ZBTB21: variants seen among roughly 807,000 people sequenced by gnomAD.
ZBTB21 encodes zinc finger and BTB domain containing 21.
Under a neutral mutation model 39.8 loss-of-function variants are expected in ZBTB21, and 10 were observed. The ratio of observed to expected loss-of-function variants is 0.25; its 90% CI spans 0.16 to 0.43. The LOEUF is 0.43. ZBTB21 is among the 20% of genes least tolerant of loss of function. ZBTB21 has a pLI of 1.00. For synonymous variants in ZBTB21, 551 were observed against 498.8 expected, an observed-to-expected ratio of 1.10 and a Z score of -1.40; for missense variants, 1,221 against 1,296.3, an observed-to-expected ratio of 0.94 and a Z score of 0.89.
rs1201087338 is a variant in ZBTB21, at chr21:41,989,516, C to A, written c.*1379G>T. 6.6e-6 allele frequency: 1 copy of A among 151,974 alleles called. No individual in the cohort carries two copies. The highest frequency in any genetic ancestry group is 1.5e-5 in the Non-Finnish European group (1 of 67,956). 9.4% of individuals were successfully genotyped at this position (151,974 alleles called of 1,614,324 possible). A position where few individuals can be genotyped will look rare whatever the true frequency, so the allele number is the denominator to read the frequency against. On this transcript the variant is annotated 3_prime_UTR_variant, in exon 3 of 3. Transcript: ENST00000310826. ...TTTTTTTAATACATCTAACTCCCACCCCCACAAGTAAAAGTTTTCCCTTTT... is the reference window on the plus strand; with the variant it reads ...TTTTTTTAATACATCTAACTCCCACACCCACAAGTAAAAGTTTTCCCTTTT...
chr21:41,991,981 T>C lies in ZBTB21; in HGVS notation c.2115A>G (p.Lys705=). ...TTGCAAGAGGAGCATGCTCTTTTGG[T>C]TTAGCAACTTTATTTACTCCAAGGG... ...EKPLGVNKVA[K]PKEHAPLASP... The change falls in exon 3 of 3, where the codon AAA becomes AAG. Residue 705 remains lysine (K), a synonymous_variant. Coordinates refer to ENST00000310826, the MANE Select transcript of ZBTB21 (RefSeq NM_001098402.2). The surrounding 1 kb of genome is among the most constrained non-coding windows in gnomAD (Gnocchi z 4.9). 1 of 1,614,194 alleles carries C rather than the reference T, an allele frequency of 6.2e-7. No homozygotes were observed. The highest frequency in any genetic ancestry group is 8.5e-7 in the Non-Finnish European group (1 of 1,180,044).
intron 1 of ZBTB21, among the ~76,000 whole-genome samples, chr21:42,008,467 G>A (rs746593371): frequency 2.0e-5 from 3 of 149,688 alleles, no homozygotes; most frequent in Non-Finnish European, 4.4e-5. Flanking sequence ...GCAAAACCAG[G>A]GAGGCGGAGG....
rs1374931703 is a variant in ZBTB21, at chr21:41,990,067, T to A, written c.*828A>T. On this transcript the variant is annotated 3_prime_UTR_variant, in exon 3 of 3. Coordinates refer to ENST00000310826, the MANE Select transcript of ZBTB21 (RefSeq NM_001098402.2). ...CATAAATCAGAGGAAATGAAATATG[T>A]GCAGTCCTTCAAATGCTGGTCTGAA... The A allele has an allele frequency of 6.6e-6, 1 of 152,238 alleles. No homozygotes were observed. Among genetic ancestry groups the A allele is most frequent in the Non-Finnish European group, 1.5e-5 (1 of 68,036 alleles). 9.4% of individuals were successfully genotyped at this position (152,238 alleles called of 1,614,324 possible).
At position 41,993,363 on chromosome 21, in the gene ZBTB21, G is replaced by A. The variant is rs2065698019; in HGVS notation, c.733C>T (p.Pro245Ser). 1 of 1,614,040 alleles carries A rather than the reference G, an allele frequency of 6.2e-7. No homozygotes were observed. The change falls in exon 3 of 3, where the codon CCT becomes TCT. Residue 245 changes from proline to serine, a missense_variant. Physicochemically the swap from Pro to Ser is moderately conservative, Grantham distance 74 (BLOSUM62 -1). Coordinates refer to ENST00000310826, the MANE Select transcript of ZBTB21 (RefSeq NM_001098402.2). ...VKRNAVLPSK[P>S]LQDREAMDDK... ...TCCATAGCTTCTCTGTCTTGCAGAG[G>A]CTTTGAAGGCAACACTGCATTTCTT...
At position 41,987,017 on chromosome 21, in the gene ZBTB21, G is replaced by A. The variant is rs1214286262; in HGVS notation, c.*3878C>T. ...GTAAAATGGAAAAATGACTTACTCTGCTAAGGCATATGACAAAATACACAG... is the reference window on the plus strand; with the variant it reads ...GTAAAATGGAAAAATGACTTACTCTACTAAGGCATATGACAAAATACACAG... On this transcript the variant is annotated 3_prime_UTR_variant, in exon 3 of 3. Coordinates refer to ENST00000310826, the MANE Select transcript of ZBTB21 (RefSeq NM_001098402.2). 3.9e-5 allele frequency: 6 copies of A among 152,618 alleles called. No individual in the cohort carries two copies. The highest frequency in any genetic ancestry group is 1.3e-4 in the Admixed American group (2 of 15,284). The allele number at this position is 152,618 out of a possible 1,614,324, so 9.5% of individuals were successfully genotyped here.
At chr21:42,008,571 G>GAA (rs377457215) in intron 1 of ZBTB21, among the ~76,000 whole-genome samples, 1 of 70,970 alleles carries the variant, frequency 1.4e-5, no homozygotes, top group South Asian at 4.3e-4. Context: ...AAGAAAAAAA[G>GAA]AAAAGAAAAG....
chr21:42,008,054 GT>G, intron 1 of ZBTB21: 2 of 152,414 alleles, frequency 1.3e-5, no homozygotes, highest in Middle Eastern at 6.8e-3. Flanking sequence ...TCCCACATCT[GT>G]TTGTCCTCAC....
At position 41,992,964 on chromosome 21, in the gene ZBTB21, A is replaced by C. The variant is rs146864981; in HGVS notation, c.1132T>G (p.Cys378Gly). 38 of 1,614,122 alleles carry C rather than the reference A, an allele frequency of 2.4e-5. No homozygotes were observed. Among genetic ancestry groups the C allele is most frequent in the Middle Eastern group, 3.3e-4 (2 of 6,084 alleles). ...AAAGATGACTTCTGAGATAAAGCACACAACACATTCCCTGGTGCATCACTG... is the reference window on the plus strand; with the variant it reads ...AAAGATGACTTCTGAGATAAAGCACCCAACACATTCCCTGGTGCATCACTG... ...VSSDAPGNVL[C>G]ALSQKSSLKD... Residue 378 changes from cysteine to glycine, a missense_variant, in exon 3 of 3, where the codon TGT (cysteine) becomes GGT (glycine). Physicochemically the swap from Cys to Gly is radical, Grantham distance 159. This residue lies in a region of ZBTB21 where 500 missense variants were observed against 465.6 expected (regional missense o/e 1.07). Transcript: ENST00000310826. The surrounding 1 kb of genome is among the most constrained non-coding windows in gnomAD (Gnocchi z 4.1).
At position 41,993,270 on chromosome 21, in the gene ZBTB21, G is replaced by A. The variant is rs372250863; in HGVS notation, c.826C>T (p.Arg276Trp). 39 of 1,611,982 alleles carry A rather than the reference G, an allele frequency of 2.4e-5. No homozygotes were observed. The highest frequency in any genetic ancestry group is 4.0e-5 in the African/African-American group (3 of 74,932). The change falls in exon 3 of 3, where the codon CGG (arginine) becomes TGG (tryptophan). Residue 276 changes from arginine to tryptophan, a missense_variant. Coordinates refer to ENST00000310826, the MANE Select transcript of ZBTB21 (RefSeq NM_001098402.2). ...CTACAAACAGACAAAACAGGTGGCC[G>A]TGGTCTCTTCAAAGCCAGCTCTAGA... ...KALELALKRPRPPVLSVCSSS... is the reference protein window; with the variant it reads ...KALELALKRPWPPVLSVCSSS...
At position 41,992,477 on chromosome 21, in the gene ZBTB21, G is replaced by C. The variant is rs369867786; in HGVS notation, c.1619C>G (p.Thr540Arg). 1.2e-6 allele frequency: 2 copies of C among 1,613,988 alleles called. No homozygotes were observed. The highest frequency in any genetic ancestry group is 1.7e-6 in the Non-Finnish European group (2 of 1,180,034). ...NKDEFGELEG[T>R]RPNKKFKCKH... ...GCATTTAAATTTTTTGTTTGGTCTC[G>C]TCCCCTCCAACTCACCAAATTCGTC... The change falls in exon 3 of 3, where the codon ACG (threonine) becomes AGG (arginine). Residue 540 changes from threonine (T) to arginine (R), a missense_variant. Transcript: ENST00000310826. This position sits in a 1 kb window ranked among gnomAD's most constrained non-coding sequence, Gnocchi z 4.1.
rs749534177 is a variant in ZBTB21, at chr21:41,991,299, A to C, written c.2797T>G (p.Ser933Ala). The C allele has an allele frequency of 8.7e-6, 14 of 1,612,770 alleles. No individual in the cohort carries two copies. The highest frequency in any genetic ancestry group is 1.2e-5 in the Non-Finnish European group (14 of 1,179,182). The change falls in exon 3 of 3, where the codon TCT (serine) becomes GCT (alanine). Residue 933 changes from serine (S) to alanine (A), a missense_variant. Ser to Ala is a moderately conservative substitution (Grantham distance 99, BLOSUM62 1). Transcript: ENST00000310826. This position sits in a 1 kb window ranked among gnomAD's most constrained non-coding sequence, Gnocchi z 4.9. Reference sequence around the variant, plus strand: ...ACGTGACAAATAAATGGTTTCACAGAGCACAGAAGCTCCTGGTGACGCTCC... The same window carrying C: ...ACGTGACAAATAAATGGTTTCACAGCGCACAGAAGCTCCTGGTGACGCTCC... ...QLERHQELLC[S>A]VKPFICHVCN...
chr21:42,001,842 C>T (rs550674041), intron 2 of ZBTB21, among the ~76,000 whole-genome samples: 45 of 152,248 alleles, frequency 3.0e-4, no homozygotes, highest in African/African-American at 1.1e-3. Context: ...AACCGAGGCA[C>T]AGAGGGTTAA....
At position 41,988,806 on chromosome 21, in the gene ZBTB21, G is replaced by T. The variant is rs1032782765; in HGVS notation, c.*2089C>A. The T allele has an allele frequency of 2.0e-5, 3 of 150,992 alleles. No homozygotes were observed. The highest frequency in any genetic ancestry group is 7.3e-5 in the African/African-American group (3 of 41,142). 9.4% of individuals were successfully genotyped at this position (150,992 alleles called of 1,614,324 possible). On this transcript the variant is annotated 3_prime_UTR_variant, in exon 3 of 3. Transcript: ENST00000310826. ...ACAATATTATTTTTAAAAAATCTTCGAAAATGTAGCATAAAGGTTTAGGTC... is the reference window on the plus strand; with the variant it reads ...ACAATATTATTTTTAAAAAATCTTCTAAAATGTAGCATAAAGGTTTAGGTC...
intron 1 of ZBTB21, among the ~76,000 whole-genome samples, chr21:42,006,912 T>C (rs2065885734): frequency 6.6e-6 from 1 of 152,138 alleles, no homozygotes; most frequent in South Asian, 2.1e-4. Flanking sequence ...AAGAGAAGCC[T>C]CAGAAGAAGC....
chr21:41,998,538 G>C (rs2065779665), intron 2 of ZBTB21, among the ~76,000 whole-genome samples: 1 of 152,108 alleles, frequency 6.6e-6, no homozygotes, highest in Admixed American at 6.6e-5. Context: ...ATATTGTTAA[G>C]ACATTTATTT....
At chr21:42,005,360 T>A (rs989481649) in intron 1 of ZBTB21, among the ~76,000 whole-genome samples, 1 of 152,154 alleles carries the variant, frequency 6.6e-6, no homozygotes, top group Non-Finnish European at 1.5e-5. Context: ...GGAATATGAA[T>A]CCTGAGAAGA....
At position 41,989,739 on chromosome 21, in the gene ZBTB21, T is replaced by A. The variant is rs1243160248; in HGVS notation, c.*1156A>T. 1.3e-5 allele frequency: 2 copies of A among 152,148 alleles called. No individual in the cohort carries two copies. The highest frequency in any genetic ancestry group is 4.8e-5 in the African/African-American group (2 of 41,442). 9.4% of individuals were successfully genotyped at this position (152,148 alleles called of 1,614,324 possible). On this transcript the variant is annotated 3_prime_UTR_variant, in exon 3 of 3. Transcript: ENST00000310826. Reference sequence around the variant, plus strand: ...ATGGCCTTGCCCATGATTTTAACCATCAGACCCCCAACAAATTCTAACAGA... The same window carrying A: ...ATGGCCTTGCCCATGATTTTAACCAACAGACCCCCAACAAATTCTAACAGA...
rs1433880426 is a variant in ZBTB21 at position 41,987,805 on chromosome 21, A to AG, written c.*3089dup. 1 of 152,200 alleles carries AG rather than the reference A, an allele frequency of 6.6e-6. No homozygotes were observed. The highest frequency in any genetic ancestry group is 1.5e-5 in the Non-Finnish European group (1 of 68,042). The allele number at this position is 152,200 out of a possible 1,614,324, so 9.4% of individuals were successfully genotyped here. ...TCCATCTCTCCCTCACCCTGATCAGAGAGTTGGCCTTGTAGGTGCATCCAC... is the reference window on the plus strand; with the variant it reads ...TCCATCTCTCCCTCACCCTGATCAGAGGAGTTGGCCTTGTAGGTGCATCCAC... On this transcript the variant is annotated 3_prime_UTR_variant, in exon 3 of 3. Coordinates refer to ENST00000310826, the MANE Select transcript of ZBTB21 (RefSeq NM_001098402.2).
chr21:42,000,537 C>T (rs980704557), intron 2 of ZBTB21, among the ~76,000 whole-genome samples: 1 of 152,196 alleles, frequency 6.6e-6, no homozygotes, highest in African/African-American at 2.4e-5. Flanking sequence ...TTCTACATCC[C>T]TGGACCTGAA....
Sources: allele counts gnomAD v4.1 joint callset (sites outside exome capture counted in the v4.1 genomes callset), GRCh38; gene constraint gnomAD v4.1.1; regional missense constraint gnomAD v4.1.1; non-coding constraint Gnocchi (gnomAD v3.1); transcripts MANE v1.5; gene names NCBI Gene and HGNC (gene_info 2026-07-23, HGNC 2026-07-21).